The following TECPR2 variants were observed in gnomAD, a reference collection of about 807,000 sequenced individuals.
TECPR2 encodes the protein tectonin beta-propeller repeat containing 2.
TECPR2 carries 65 observed loss-of-function variants against 138.1 expected under a neutral mutation model. That is an observed-to-expected ratio of 0.47 (90% CI 0.39 to 0.58). TECPR2 has a LOEUF of 0.58. TECPR2 is among the 20% of genes least tolerant of loss of function. The probability of loss-of-function intolerance (pLI) is 0.00; values close to 1 mark genes in which losing one functional copy is unlikely to be tolerated. For synonymous variants in TECPR2, 746 were observed against 749.8 expected, an observed-to-expected ratio of 0.99 and a Z score of 0.08; for missense variants, 1,553 against 1,824.5, an observed-to-expected ratio of 0.85 and a Z score of 2.71.
At chr14:102,422,796 G>C (rs980929213) in intron 5 of TECPR2, among the ~76,000 whole-genome samples, 1 of 152,104 alleles carries the variant, frequency 6.6e-6, no homozygotes, top group Admixed American at 6.6e-5. Context: ...TTGGGGATGG[G>C]TTCCCAGGTG....
chr14:102,432,298 T>TACACACACACACACACACACACAAC (rs1555451259), intron 8 of TECPR2, among the ~76,000 whole-genome samples, 170 bp downstream of exon 8: 5 of 148,804 alleles, frequency 3.4e-5, no homozygotes, highest in African/African-American at 9.9e-5. Context: ...TAACGGAAAA[T>TACACACACACACACACACACACAAC]ACACACACAC....
chr14:102,415,372 G>A lies in TECPR2; in HGVS notation c.638+579G>A, dbSNP rs1184316297. Among the ~76,000 whole-genome samples the A allele has an allele frequency of 6.6e-6, 1 of 152,192 alleles. No homozygotes were observed. Among genetic ancestry groups the A allele is most frequent in the Non-Finnish European group, 1.5e-5 (1 of 68,036 alleles). Reference sequence around the variant, plus strand: ...GGTGAAGGGTCAGGGAAGACATCCTGAAGGCATGGGTTCCAGGTTGAGAGA... The same window carrying A: ...GGTGAAGGGTCAGGGAAGACATCCTAAAGGCATGGGTTCCAGGTTGAGAGA... On this transcript the variant is annotated intron_variant, in intron 5 of 19. Coordinates refer to ENST00000359520, the MANE Select transcript of TECPR2 (RefSeq NM_014844.5). This position sits in a 1 kb window ranked among gnomAD's most constrained non-coding sequence, Gnocchi z 4.3.
chr14:102,485,368 C>T (rs895355185), intron 17 of TECPR2, among the ~76,000 whole-genome samples: 2 of 152,144 alleles, frequency 1.3e-5, no homozygotes. Flanking sequence ...TGTTTTTTGC[C>T]ACTTCCTTTA....
At chr14:102,407,266 T>C in intron 2 of TECPR2, 72 bp from the exon 3 acceptor site, 1 of 1,514,008 alleles carries the variant, frequency 6.6e-7, no homozygotes, top group Non-Finnish European at 8.8e-7. Flanking sequence ...ACTCCTTTAG[T>C]AATGTCCTCC....
rs765999317 is a variant in TECPR2, at chr14:102,449,789, G to A, written c.3236G>A (p.Ser1079Asn). The change falls in exon 14 of 20, where the codon AGC (serine) becomes AAC (asparagine). Residue 1079 changes from serine (S) to asparagine (N), a missense_variant. Coordinates refer to ENST00000359520, the MANE Select transcript of TECPR2 (RefSeq NM_014844.5). ...FWSQQLQCQP[S>N]LLGVNNSGVW... is the part of the protein sequence containing the mutation. ...TCCCAGCAGCTTCAGTGCCAGCCAAGCCTTCTCGGGGTCAATAACAGCGGT... is the reference window on the plus strand; with the variant it reads ...TCCCAGCAGCTTCAGTGCCAGCCAAACCTTCTCGGGGTCAATAACAGCGGT... 1.5e-5 allele frequency: 25 copies of A among 1,614,096 alleles called. No homozygotes were observed. Among genetic ancestry groups the A allele is most frequent in the African/African-American group, 2.7e-5 (2 of 74,934 alleles).
Position 102,435,224 on chromosome 14 carries a change from G to T in TECPR2, c.2394+13G>T. The T allele has an allele frequency of 6.3e-7, 1 of 1,576,820 alleles. No homozygotes were observed. The highest frequency in any genetic ancestry group is 1.1e-5 in the South Asian group (1 of 89,146). On this transcript the variant is annotated intron_variant, in intron 9 of 19. Transcript: ENST00000359520. The stretch of plus-strand genomic sequence containing the variant: ...CAAGCCAGATCAGGTATGTGGGTTC[G>T]GGTGGTGGGAAAAGTAGCTGAGGCT...
intron 17 of TECPR2, among the ~76,000 whole-genome samples, chr14:102,470,850 G>A (rs1201666106): frequency 4.2e-5 from 6 of 143,272 alleles, no homozygotes; most frequent in Non-Finnish European, 9.1e-5. Context: ...ACGGAGTCTC[G>A]CTCTGTCGCC....
At position 102,445,842 on chromosome 14, in the gene TECPR2, C is replaced by A; in HGVS notation, c.2970C>A (p.Leu990=). 1 of 1,613,874 alleles carries A rather than the reference C, an allele frequency of 6.2e-7. No individual in the cohort carries two copies. Among genetic ancestry groups the A allele is most frequent in the Non-Finnish European group, 8.5e-7 (1 of 1,179,988 alleles). Residue 990 remains leucine (L), a synonymous_variant, in exon 13 of 20, where the codon CTC becomes CTA. Transcript: ENST00000359520. ...RQALEPVCIT[L]GDQQTLWALD... is the part of the protein sequence containing the mutation. ...CTTTAGAACCCGTCTGCATAACGCTCGGGGATCAGCAGACTCTCTGGGCCC... is the reference window on the plus strand; with the variant it reads ...CTTTAGAACCCGTCTGCATAACGCTAGGGGATCAGCAGACTCTCTGGGCCC...
chr14:102,404,741 T>C (rs1266227899), intron 2 of TECPR2, among the ~76,000 whole-genome samples: 1 of 151,732 alleles, frequency 6.6e-6, no homozygotes, highest in East Asian at 2.0e-4. Context: ...CACACCTGGC[T>C]AATTTGTGTA....
In TECPR2 at chr14:102,410,699, C is replaced by A. The variant is rs12894740; in HGVS notation, c.480+2080C>A. On this transcript the variant is annotated intron_variant, in intron 4 of 19. Coordinates refer to ENST00000359520, the MANE Select transcript of TECPR2 (RefSeq NM_014844.5). The stretch of plus-strand genomic sequence containing the variant: ...ACTAGACCAACTTAGACTGTGCCCC[C>A]CCTCAAAAAAAAAAAACTTGTCATC... 5.3e-5 allele frequency among the ~76,000 whole-genome samples: 8 copies of A among 151,776 alleles called. No homozygotes were observed. The East Asian group carries it at 5.8e-4, about 11-fold the overall frequency.
At chr14:102,423,356 C>T (rs1435856833) in intron 5 of TECPR2, among the ~76,000 whole-genome samples, 3 of 151,354 alleles carry the variant, frequency 2.0e-5, no homozygotes, top group Non-Finnish European at 4.4e-5. Flanking sequence ...CACTTGAACC[C>T]AAGAGGGAGA....
rs748372168 is a variant in TECPR2, at chr14:102,457,869, C to CTTTTTTTT, written c.3640+5256_3640+5263dup. Among the ~76,000 whole-genome samples, 811 of 102,688 alleles carry CTTTTTTTT rather than the reference C, an allele frequency of 7.9e-3. 16 individuals carry two copies. Among genetic ancestry groups the CTTTTTTTT allele is most frequent in the Middle Eastern group, 0.019 (2 of 104 alleles). The allele number at this position is 102,688 out of a possible 152,430, so 67.4% of individuals were successfully genotyped here. A position where few individuals can be genotyped will look rare whatever the true frequency, so the allele number is the denominator to read the frequency against. Reference sequence around the variant, plus strand: ...CGCTCCTCTGCTCCCACTAAATTCCCTTTTTTTTTTTTTTTTTTTTTGAGA... The same window carrying CTTTTTTTT: ...CGCTCCTCTGCTCCCACTAAATTCCCTTTTTTTTTTTTTTTTTTTTTTTTTTTTTGAGA... On this transcript the variant is annotated intron_variant, in intron 16 of 19. Transcript: ENST00000359520.
intron 5 of TECPR2, 128 bp downstream of exon 5, chr14:102,414,921 G>A: frequency 1.7e-6 from 2 of 1,193,344 alleles, no homozygotes; most frequent in South Asian, 3.0e-5. Context: ...CTCTAAGCCT[G>A]GGGTTCCTGG....
At chr14:102,462,614 C>A (rs1162525752) in intron 16 of TECPR2, among the ~76,000 whole-genome samples, 1 of 152,156 alleles carries the variant, frequency 6.6e-6, no homozygotes, top group Non-Finnish European at 1.5e-5. Context: ...AAGGGTGGTA[C>A]CTCCCGATTC....
At chr14:102,467,386 G>A (rs1210691178) in intron 17 of TECPR2, among the ~76,000 whole-genome samples, 1 of 144,928 alleles carries the variant, frequency 6.9e-6, no homozygotes, top group Non-Finnish European at 1.5e-5. Context: ...GTGCAATGGC[G>A]CCATCTTGGC....
intron 1 of TECPR2, among the ~76,000 whole-genome samples, chr14:102,374,633 T>A (rs1406969996): frequency 6.6e-6 from 1 of 152,154 alleles, no homozygotes. Context: ...AAGCGTGATC[T>A]TCCCACCTCA....
chr14:102,383,469 G>A lies in TECPR2; in HGVS notation c.219+6529G>A, dbSNP rs2139665545. Among the ~76,000 whole-genome samples, 5 of 151,672 alleles carry A rather than the reference G, an allele frequency of 3.3e-5. No individual in the cohort carries two copies. In the Middle Eastern group the frequency reaches 0.017, roughly 519 times the overall value. On this transcript the variant is annotated intron_variant, in intron 2 of 19. Transcript: ENST00000359520. ...GTCTCCCAGGCTGGAGTGCAGTGGAGCGATCTCAGCCCACTGCAATCTCCG... is the reference window on the plus strand; with the variant it reads ...GTCTCCCAGGCTGGAGTGCAGTGGAACGATCTCAGCCCACTGCAATCTCCG...
chr14:102,407,244 A>AT lies in TECPR2; in HGVS notation c.220-93dup, dbSNP rs1567327426. On this transcript the variant is annotated intron_variant, in intron 2 of 19. Transcript: ENST00000359520. The stretch of plus-strand genomic sequence containing the variant: ...AAGAATATGTATGGACTGCAGCCTG[A>AT]TGAAGTTTTTCACTCCTTTAGTAAT... 1.2e-5 allele frequency: 18 copies of AT among 1,448,964 alleles called. No homozygotes were observed. The South Asian group carries it at 2.7e-4, about 21-fold the overall frequency. 89.8% of individuals were successfully genotyped at this position (1,448,964 alleles called of 1,614,324 possible). A position where few individuals can be genotyped will look rare whatever the true frequency, so the allele number is the denominator to read the frequency against.
At chr14:102,423,263 T>C (rs1889232170) in intron 5 of TECPR2, among the ~76,000 whole-genome samples, 1 of 152,026 alleles carries the variant, frequency 6.6e-6, no homozygotes, top group Non-Finnish European at 1.5e-5. Context: ...TAAAACCCCA[T>C]CTCTACTAAA....
Sources: gnomAD v4.1 joint callset for allele counts (sites outside exome capture counted in the v4.1 genomes callset) on GRCh38, gnomAD v4.1.1 for gene constraint, Gnocchi (gnomAD v3.1) non-coding constraint, MANE v1.5 for transcripts, NCBI Gene and HGNC (gene_info 2026-07-23, HGNC 2026-07-21) for gene names.